IPO8: variants seen among roughly 807,000 people sequenced by gnomAD.
The protein encoded by IPO8 is importin 8.
A neutral mutation model predicts 141.2 loss-of-function variants in IPO8; 65 were observed. The ratio of observed to expected loss-of-function variants is 0.46; its 90% CI spans 0.38 to 0.57. The LOEUF (loss-of-function observed/expected upper bound fraction) is 0.57. Ranked by LOEUF, IPO8 falls within the 20% of genes least tolerant of loss-of-function variation. The pLI, the probability that IPO8 is intolerant of heterozygous loss-of-function variation, is 0.00. For synonymous variants in IPO8, 411 were observed against 420.3 expected (o/e 0.98, Z 0.27); for missense variants, 980 against 1,246.8 (o/e 0.79, Z 3.22).
At chr12:30,675,684 CA>C (rs1386629201) in intron 6 of IPO8, among the ~76,000 whole-genome samples, 6 of 143,154 alleles carry the variant, frequency 4.2e-5, no homozygotes, top group Non-Finnish European at 4.6e-5. Context: ...ACAAAAAAAA[CA>C]AAAAAAAAAT....
intron 12 of IPO8, 65 bp from the exon 13 acceptor site, chr12:30,665,374 A>T: frequency 6.4e-6 from 6 of 930,684 alleles, no homozygotes; most frequent in Admixed American, 4.1e-5. Context: ...TTCCTAATCA[A>T]GTGTGTTTAC....
Position 30,695,572 on chromosome 12 carries a change from G to A in IPO8, c.76C>T (p.Leu26Phe). The change falls in exon 1 of 25, where the codon CTC becomes TTC. Residue 26 changes from leucine (L) to phenylalanine (F), a missense_variant. Physicochemically the swap from Leu to Phe is conservative, Grantham distance 22. This residue lies in a region of IPO8 where 40 missense variants were observed against 46.3 expected (regional missense o/e 0.86). Coordinates refer to ENST00000256079, the MANE Select transcript of IPO8 (RefSeq NM_006390.4). This position sits in a 1 kb window ranked among gnomAD's most constrained non-coding sequence, Gnocchi z 4.2. ...GAAGACCCTCTCCTCACCTGGTTGA[G>A]CTCGTTCTCGGCTGCAATCCGCAAC... is the stretch of plus-strand genomic sequence containing the variant. ...PKLRIAAENE[L>F]NQSYKIINFA... The A allele has an allele frequency of 6.2e-7, 1 of 1,613,928 alleles. No individual in the cohort carries two copies.
At chr12:30,642,145 G>A (rs748166327) in intron 20 of IPO8, among the ~76,000 whole-genome samples, 9 of 152,082 alleles carry the variant, frequency 5.9e-5, no homozygotes, top group Admixed American at 2.0e-4. Context: ...GCAGTGAGCC[G>A]AGATCAAGCC....
chr12:30,682,000 TAAAC>T (rs1400647270), intron 3 of IPO8, among the ~76,000 whole-genome samples, 183 bp from the exon 4 acceptor site: 4 of 152,100 alleles, frequency 2.6e-5, no homozygotes, highest in South Asian at 2.1e-4. Flanking sequence ...TTGTTGAAAA[TAAAC>T]AGAATGGGTG....
At chr12:30,656,629 G>C (rs1489764559) in intron 17 of IPO8, 55 bp downstream of exon 17, 1 of 1,036,702 alleles carries the variant, frequency 9.6e-7, no homozygotes, top group African/African-American at 1.7e-5. Flanking sequence ...TATACTTTGA[G>C]TTCAAATTTT....
chr12:30,670,712 G>C (rs988349831), intron 9 of IPO8, among the ~76,000 whole-genome samples: 4 of 152,244 alleles, frequency 2.6e-5, no homozygotes, highest in Non-Finnish European at 4.4e-5. Context: ...AGAAAATGAG[G>C]CTTAATGAGA....
intron 1 of IPO8, among the ~76,000 whole-genome samples, chr12:30,690,958 G>C (rs1283944363): frequency 1.3e-5 from 2 of 152,022 alleles, no homozygotes; most frequent in East Asian, 3.9e-4. Flanking sequence ...CTATTACTAA[G>C]GAGGTTGGGT....
intron 2 of IPO8, among the ~76,000 whole-genome samples, chr12:30,690,282 A>T (rs2053278965): frequency 6.6e-6 from 1 of 152,208 alleles, no homozygotes; most frequent in African/African-American, 2.4e-5. Flanking sequence ...AAGGGAGAGG[A>T]GGAAAAAAAA....
At chr12:30,668,216 G>A (rs2052995980) in intron 10 of IPO8, among the ~76,000 whole-genome samples, 1 of 152,164 alleles carries the variant, frequency 6.6e-6, no homozygotes, top group Non-Finnish European at 1.5e-5. Context: ...GTTTCTCATT[G>A]ATTTGCTTTT....
At chr12:30,639,098 A>G (rs1473762348) in intron 21 of IPO8, among the ~76,000 whole-genome samples, 2 of 152,140 alleles carry the variant, frequency 1.3e-5, no homozygotes, top group Non-Finnish European at 2.9e-5. Context: ...CATCCCTGAG[A>G]TCTGCAAAGA....
intron 24 of IPO8, among the ~76,000 whole-genome samples, chr12:30,631,391 A>C (rs921741516): frequency 6.6e-6 from 1 of 152,230 alleles, no homozygotes; most frequent in Non-Finnish European, 1.5e-5. Flanking sequence ...TTTTCCAATG[A>C]CAATCTACAA....
In IPO8 at chr12:30,684,311, C is replaced by G; in HGVS notation, c.313G>C (p.Asp105His). The G allele has an allele frequency of 6.2e-7, 1 of 1,613,964 alleles. No homozygotes were observed. Among genetic ancestry groups the G allele is most frequent in the Non-Finnish European group, 8.5e-7 (1 of 1,179,882 alleles). ...TATAGCACCACATACCTCACTAAAT[C>G]TGGAGACCGAATTATTCCTTCCACA... ...NIVEGIIRSP[D>H]LVRVQLTMCL... Residue 105 changes from aspartate to histidine, a missense_variant, in exon 3 of 25, where the codon GAT (aspartate) becomes CAT (histidine). Physicochemically the swap from Asp to His is moderately conservative, Grantham distance 81 (BLOSUM62 -1). Around this residue, in one of 3 missense-constraint regions of IPO8, gnomAD observed 924 missense variants for 1,153.9 expected, o/e 0.80. Transcript: ENST00000256079.
At chr12:30,632,740 T>C (rs186255958) in intron 23 of IPO8, among the ~76,000 whole-genome samples, 13 of 152,324 alleles carry the variant, frequency 8.5e-5, no homozygotes, top group Admixed American at 7.8e-4. Flanking sequence ...TCCAGTTTTT[T>C]CTGCACATCA....
chr12:30,651,158 C>T (rs2052721790), intron 19 of IPO8, among the ~76,000 whole-genome samples: 1 of 151,958 alleles, frequency 6.6e-6, no homozygotes, highest in Admixed American at 6.6e-5. Context: ...TGTTTCTTTC[C>T]CTCTTTCTCT....
At chr12:30,630,979 G>T (rs562879951) in intron 24 of IPO8, 22 bp from the exon 25 acceptor site, 2 of 1,583,262 alleles carry the variant, frequency 1.3e-6, no homozygotes, top group Non-Finnish European at 1.7e-6. Context: ...CAAAAGAAAA[G>T]GGGAGAAGAA....
intron 20 of IPO8, among the ~76,000 whole-genome samples, chr12:30,644,514 A>G (rs1010058428): frequency 2.3e-4 from 35 of 152,148 alleles, no homozygotes; most frequent in African/African-American, 8.5e-4. Context: ...TTTTGGTGGT[A>G]AGTAAAGCTC....
chr12:30,674,349 A>T (rs1247191616), intron 7 of IPO8, among the ~76,000 whole-genome samples: 1 of 152,216 alleles, frequency 6.6e-6, no homozygotes, highest in African/African-American at 2.4e-5. Flanking sequence ...ACTGACATAG[A>T]TTTTTTTCAA....
At chr12:30,634,591 T>C (rs575335047) in intron 22 of IPO8, among the ~76,000 whole-genome samples, 50 of 152,288 alleles carry the variant, frequency 3.3e-4, no homozygotes, top group African/African-American at 1.1e-3. Flanking sequence ...TGTTAGGCTA[T>C]GCAAGTTCAT....
intron 11 of IPO8, among the ~76,000 whole-genome samples, 157 bp from the exon 12 acceptor site, chr12:30,666,002 C>T (rs12371883): frequency 0.23 from 35,221 of 151,386 alleles, 4,343 homozygotes; most frequent in Middle Eastern, 0.3. Flanking sequence ...ATTAAGAAAA[C>T]GAAATAACCA....
Sources: gnomAD v4.1 joint callset for allele counts (sites outside exome capture counted in the v4.1 genomes callset) on GRCh38, gnomAD v4.1.1 for gene constraint, gnomAD v4.1.1 regional missense constraint, Gnocchi (gnomAD v3.1) non-coding constraint, MANE v1.5 for transcripts, NCBI Gene and HGNC (gene_info 2026-07-23, HGNC 2026-07-21) for gene names.